The following WDR13 variants were observed in gnomAD, a reference collection of about 807,000 sequenced individuals.
The protein encoded by WDR13 is WD repeat domain 13.
A neutral mutation model predicts 28.6 loss-of-function variants in WDR13; 1 was observed. The observed-to-expected ratio is 0.03, with a 90% confidence interval of 0.01 to 0.17. The LOEUF is 0.17. Ranked by LOEUF, WDR13 falls within the 10% of genes least tolerant of loss-of-function variation. WDR13 has a pLI of 1.00. For missense variants in WDR13, 264 were observed against 469.3 expected (o/e 0.56, Z 4.04); for synonymous variants, 201 against 185.9 (o/e 1.08, Z -0.66).
In WDR13 at chrX:48,602,210, G is replaced by C; in HGVS notation, c.1154+4G>C. The C allele has an allele frequency of 8.3e-7, 1 of 1,204,202 alleles. No individual in the cohort carries two copies. Among genetic ancestry groups the C allele is most frequent in the Non-Finnish European group, 1.1e-6 (1 of 889,282 alleles). On this transcript the variant is annotated splice_donor_region_variant and intron_variant, in intron 8 of 9. Transcript: ENST00000376729. ...TCAACAAGTTGCTGCTCTACAGGTG[G>C]GTCCCCCATCAGGGCCTCCTGGAGA...
chrX:48,599,999 C>T, intron 5 of WDR13: 1 of 422,420 alleles, frequency 2.4e-6, no homozygotes, highest in Non-Finnish European at 4.0e-6. Flanking sequence ...AATCCCCTTG[C>T]AGAGGGCAGA....
At chrX:48,604,247 T>C in intron 8 of WDR13, 25 bp from the exon 9 acceptor site, 1 of 1,196,723 alleles carries the variant, frequency 8.4e-7, no homozygotes, top group South Asian at 1.8e-5. Flanking sequence ...GGGCTGTGTT[T>C]TGACCCACTC....
At chrX:48,602,532 C>CTTTT (rs55822629) in intron 8 of WDR13, among the ~76,000 whole-genome samples, 1 of 83,875 alleles carries the variant, frequency 1.2e-5, no homozygotes. Flanking sequence ...TCCTTCCTTC[C>CTTTT]TTTTTTTTTT....
rs2062236002 is a variant in WDR13, at chrX:48,608,771, C to T, written c.*3739C>T. The T allele has an allele frequency of 8.9e-6, 1 of 111,747 alleles. No individual in the cohort carries two copies. Among genetic ancestry groups the T allele is most frequent in the South Asian group, 3.7e-4 (1 of 2,679 alleles). 9.2% of individuals were successfully genotyped at this position (111,747 alleles called of 1,213,427 possible). A position where few individuals can be genotyped will look rare whatever the true frequency, so the allele number is the denominator to read the frequency against. ...TGAAATTTTGAGGTGGCAGATTTGA[C>T]ATTCTACTTTAAACTCATCTTGGTG... On this transcript the variant is annotated 3_prime_UTR_variant, in exon 10 of 10. Transcript: ENST00000376729.
chrX:48,600,725 C>T, intron 6 of WDR13, 99 bp downstream of exon 6: 1 of 984,788 alleles, frequency 1.0e-6, no homozygotes, highest in Non-Finnish European at 1.4e-6. Flanking sequence ...CAGGGGGGGC[C>T]TAGGACCCCC....
At chrX:48,600,966 G>A (rs1375344413) in intron 6 of WDR13, among the ~76,000 whole-genome samples, 2 of 111,784 alleles carry the variant, frequency 1.8e-5, no homozygotes, top group African/African-American at 6.5e-5. Flanking sequence ...ATGGTGGCGG[G>A]CGCCTATAGT....
intron 8 of WDR13, among the ~76,000 whole-genome samples, chrX:48,603,382 G>A (rs35948467): frequency 0.3 from 32,772 of 109,782 alleles, 3,827 homozygotes; most frequent in East Asian, 0.44. Context: ...GCACAGTGGC[G>A]CACTCCTGTA....
chrX:48,597,822 G>A, intron 1 of WDR13, 136 bp from the exon 2 acceptor site: 1 of 841,337 alleles, frequency 1.2e-6, no homozygotes, highest in Non-Finnish European at 1.6e-6. Context: ...TGATGACCAT[G>A]GTAACACCCG....
intron 4 of WDR13, 39 bp downstream of exon 4, chrX:48,599,501 G>A (rs782095261): frequency 3.5e-5 from 42 of 1,203,321 alleles, no homozygotes; most frequent in Middle Eastern, 2.3e-4. Context: ...GGCGGGTTGC[G>A]AGGAGGAGAG....
At chrX:48,600,913 G>A (rs1180856083) in intron 6 of WDR13, among the ~76,000 whole-genome samples, 1 of 95,953 alleles carries the variant, frequency 1.0e-5, no homozygotes, top group Non-Finnish European at 2.2e-5. Context: ...GGCTAACACG[G>A]TGAAACCCCA....
At position 48,604,851 on chromosome X, in the gene WDR13, C is replaced by T; in HGVS notation, c.1277C>T (p.Thr426Met). 1 of 1,205,307 alleles carries T rather than the reference C, an allele frequency of 8.3e-7. No individual in the cohort carries two copies. The highest frequency in any genetic ancestry group is 1.1e-6 in the Non-Finnish European group (1 of 890,318). Residue 426 changes from threonine to methionine, a missense_variant, in exon 10 of 10, where the codon ACG becomes ATG. Physicochemically the swap from Thr to Met is moderately conservative, Grantham distance 81 (BLOSUM62 -1). Around this residue, in one of 4 missense-constraint regions of WDR13, gnomAD observed 18 missense variants for 61.6 expected, o/e 0.29. Coordinates refer to ENST00000376729, the MANE Select transcript of WDR13 (RefSeq NM_001347217.2). Reference protein sequence around the residue: ...MSFRQGACVVTGSEDMCVHFF... With the variant: ...MSFRQGACVVMGSEDMCVHFF... ...CCTCTCCCTCTCACCCCGACAGTGA[C>T]GGGCAGTGAGGACATGTGCGTGCAC...
chrX:48,598,653 C>CT (rs1404819738), intron 2 of WDR13, 64 bp from the exon 3 acceptor site: 5 of 967,154 alleles, frequency 5.2e-6, no homozygotes, highest in African/African-American at 4.4e-5. Flanking sequence ...CGTACCCCCC[C>CT]CCCCGAGCTG....
chrX:48,607,987 G>A lies in WDR13; in HGVS notation c.*2955G>A, dbSNP rs1024918257. On this transcript the variant is annotated 3_prime_UTR_variant, in exon 10 of 10. Transcript: ENST00000376729. ...GGGTTTCACCATATTGGCCAGGCTG[G>A]TCTCCATCTCTTGACCTTGTGATCC... 1 of 109,457 alleles carries A rather than the reference G, an allele frequency of 9.1e-6. No individual in the cohort carries two copies. The allele number at this position is 109,457 out of a possible 1,213,427, so 9.0% of individuals were successfully genotyped here.
chrX:48,603,919 C>A (rs1482081618), intron 8 of WDR13, among the ~76,000 whole-genome samples: 1 of 111,475 alleles, frequency 9.0e-6, no homozygotes, highest in Non-Finnish European at 1.9e-5. Flanking sequence ...GAGACAGTTT[C>A]TGAACCATCA....
chrX:48,598,237 T>C, intron 2 of WDR13, 200 bp downstream of exon 2: 1 of 1,096,245 alleles, frequency 9.1e-7, no homozygotes, highest in Non-Finnish European at 1.2e-6. Flanking sequence ...GCTGGGAAAA[T>C]GTGGTCAGAT....
chrX:48,601,992 G>T, intron 7 of WDR13, 28 bp downstream of exon 7: 1 of 1,192,511 alleles, frequency 8.4e-7, no homozygotes, highest in South Asian at 1.8e-5. Context: ...CTGCATCTGG[G>T]TGCTCGCCCT....
In WDR13 at chrX:48,598,054, A is replaced by G. The variant is rs1382922072; in HGVS notation, c.41+17A>G. On this transcript the variant is annotated intron_variant, in intron 2 of 9. Transcript: ENST00000376729. ...GGACGCGAGGTGAGGCGTGGGGTCAAAGCCCATGGGAGCAGAACTTACTGT... is the reference window on the plus strand; with the variant it reads ...GGACGCGAGGTGAGGCGTGGGGTCAGAGCCCATGGGAGCAGAACTTACTGT... The G allele has an allele frequency of 8.6e-7, 1 of 1,163,580 alleles. No homozygotes were observed. The highest frequency in any genetic ancestry group is 1.1e-6 in the Non-Finnish European group (1 of 871,421).
At position 48,599,338 on chromosome X, in the gene WDR13, C is replaced by G; in HGVS notation, c.283-15C>G. 8.6e-7 allele frequency: 1 copy of G among 1,165,087 alleles called. No homozygotes were observed. The highest frequency in any genetic ancestry group is 1.2e-6 in the Non-Finnish European group (1 of 869,306). ...TTTTGCAAGATGCACCCACCCTGAC[C>G]CTCTCCATTTGCAGGACTTTGAGGA... On this transcript the variant is annotated splice_polypyrimidine_tract_variant and intron_variant, in intron 3 of 9. Coordinates refer to ENST00000376729, the MANE Select transcript of WDR13 (RefSeq NM_001347217.2).
At position 48,604,255 on chromosome X, in the gene WDR13, C is replaced by G. The variant is rs371935313; in HGVS notation, c.1155-17C>G. On this transcript the variant is annotated splice_polypyrimidine_tract_variant and intron_variant, in intron 8 of 9. Coordinates refer to ENST00000376729, the MANE Select transcript of WDR13 (RefSeq NM_001347217.2). ...AGGGCTGGGGCTGTGTTTTGACCCACTCTCTCATCCTCTCAGGGTGGTAGA... is the reference window on the plus strand; with the variant it reads ...AGGGCTGGGGCTGTGTTTTGACCCAGTCTCTCATCCTCTCAGGGTGGTAGA... 7.3e-5 allele frequency: 88 copies of G among 1,201,489 alleles called. No individual in the cohort carries two copies. The highest frequency in any genetic ancestry group is 9.1e-5 in the Non-Finnish European group (81 of 887,755).
Sources: gnomAD v4.1 joint callset for allele counts (sites outside exome capture counted in the v4.1 genomes callset) on GRCh38, gnomAD v4.1.1 for gene constraint, gnomAD v4.1.1 regional missense constraint, MANE v1.5 for transcripts, NCBI Gene and HGNC (gene_info 2026-07-23, HGNC 2026-07-21) for gene names.